The following PRTG variants were observed in gnomAD, a reference collection of about 807,000 sequenced individuals.
PRTG encodes immunoglobulin superfamily, DCC subclass, member 5.
In PRTG, 67 loss-of-function variants were observed where a neutral mutation model predicts 122.5. The observed-to-expected ratio is 0.55, with a 90% CI of 0.45 to 0.67. PRTG has a LOEUF of 0.67. Ranked by LOEUF, PRTG falls within the 30% of genes least tolerant of loss-of-function variation. The probability of loss-of-function intolerance (pLI) is 0.00; values close to 1 mark genes in which losing one functional copy is unlikely to be tolerated. For synonymous variants in PRTG, 554 were observed against 501.1 expected (o/e 1.11, Z -1.41); for missense variants, 1,435 against 1,415.4 (o/e 1.01, Z -0.22).
At chr15:55,626,594 C>CAA (rs35303660) in intron 17 of PRTG, among the ~76,000 whole-genome samples, 1 of 134,642 alleles carries the variant, frequency 7.4e-6, no homozygotes, top group African/African-American at 2.7e-5. Flanking sequence ...ACTAAAAATA[C>CAA]AAAAAAAAAA....
intron 2 of PRTG, among the ~76,000 whole-genome samples, chr15:55,695,985 C>A (rs1325775319): frequency 1.3e-5 from 2 of 151,986 alleles, no homozygotes; most frequent in East Asian, 3.9e-4. Context: ...CAAAACACAA[C>A]ACAGGGAGGC....
chr15:55,618,572 A>G lies in PRTG; in HGVS notation c.*1440T>C, dbSNP rs146605074. On this transcript the variant is annotated 3_prime_UTR_variant, in exon 20 of 20. Transcript: ENST00000389286. Reference sequence around the variant, plus strand: ...TGAGTAAACAATTTGCTGATTTCAAACCTGCAAGAGGATTAACTCACTCCT... The same window carrying G: ...TGAGTAAACAATTTGCTGATTTCAAGCCTGCAAGAGGATTAACTCACTCCT... 27 of 152,318 alleles carry G rather than the reference A, an allele frequency of 1.8e-4. No homozygotes were observed. In the East Asian group the frequency reaches 5.0e-3, roughly 28 times the overall value. 9.4% of individuals were successfully genotyped at this position (152,318 alleles called of 1,614,324 possible).
chr15:55,697,132 G>A (rs2059636294), intron 2 of PRTG, among the ~76,000 whole-genome samples: 1 of 152,168 alleles, frequency 6.6e-6, no homozygotes, highest in South Asian at 2.1e-4. Context: ...GCCAGAAAGA[G>A]GGTAACACAA....
intron 4 of PRTG, among the ~76,000 whole-genome samples, chr15:55,680,954 G>T (rs1446143722): frequency 6.6e-6 from 1 of 151,936 alleles, no homozygotes; most frequent in Non-Finnish European, 1.5e-5. Context: ...AGTCTCTCTG[G>T]ATTTGCCTAT....
At chr15:55,632,595 C>T (rs1174441815) in intron 15 of PRTG, among the ~76,000 whole-genome samples, 35 of 152,186 alleles carry the variant, frequency 2.3e-4, no homozygotes, top group Admixed American at 2.3e-3. Flanking sequence ...CTCCAATCTC[C>T]TTGGCCTTCT....
chr15:55,679,479 G>A, intron 6 of PRTG, 34 bp from the exon 7 acceptor site: 1 of 1,532,794 alleles, frequency 6.5e-7, no homozygotes, highest in Non-Finnish European at 9.0e-7. Flanking sequence ...ATATTTCTGT[G>A]ATCCTAATAG....
chr15:55,743,116 G>C lies in PRTG; in HGVS notation c.-185C>G. 1 of 1,277,578 alleles carries C rather than the reference G, an allele frequency of 7.8e-7. No individual in the cohort carries two copies. The highest frequency in any genetic ancestry group is 9.8e-7 in the Non-Finnish European group (1 of 1,016,838). 79.1% of individuals were successfully genotyped at this position (1,277,578 alleles called of 1,614,324 possible). The stretch of plus-strand genomic sequence containing the variant: ...CTGGTGCTCGGACGGCCGCTCGCGA[G>C]AAGCAAGGGGCCTGAGAGTCCGGCT... On this transcript the variant is annotated 5_prime_UTR_variant, in exon 1 of 20. Coordinates refer to ENST00000389286, the MANE Select transcript of PRTG (RefSeq NM_173814.6).
Position 55,643,870 on chromosome 15 carries a change from T to G in PRTG, c.2042-2662A>C, listed in dbSNP as rs1023210819. ...TTGTCTCCTAATAATAATGATTTTT[T>G]TTTTCTTTTTGGACACTGGGTCTCA... On this transcript the variant is annotated intron_variant, in intron 11 of 19. Coordinates refer to ENST00000389286, the MANE Select transcript of PRTG (RefSeq NM_173814.6). Among the ~76,000 whole-genome samples, 9 of 152,016 alleles carry G rather than the reference T, an allele frequency of 5.9e-5. 1 individual carries two copies. The South Asian group carries it at 1.9e-3, about 32-fold the overall frequency.
intron 11 of PRTG, among the ~76,000 whole-genome samples, chr15:55,667,874 C>A (rs2059447580): frequency 6.6e-6 from 1 of 152,076 alleles, no homozygotes; most frequent in South Asian, 2.1e-4. Context: ...TGGCTTGAGT[C>A]CAGGAGTTCA....
chr15:55,623,248 ATTTT>A (rs986702093), intron 18 of PRTG, among the ~76,000 whole-genome samples: 1 of 151,434 alleles, frequency 6.6e-6, no homozygotes, highest in Non-Finnish European at 1.5e-5. Flanking sequence ...ATCATCTTGG[ATTTT>A]TTTTTGTAAA....
In PRTG at chr15:55,680,560, G is replaced by T; in HGVS notation, c.745C>A (p.His249Asn). ...ATGCATTCCAAAACTACAGTCTGAT[G>T]AAGAGATGTTGTTATGTTCTGTGGA... ...AGPQNITTSL[H>N]QTVVLECMAT... The change falls in exon 5 of 20, where the codon CAT (histidine) becomes AAT (asparagine). Residue 249 changes from histidine (H) to asparagine (N), a missense_variant. By Grantham distance (68) the His-to-Asn change is moderately conservative. Transcript: ENST00000389286. 1.2e-6 allele frequency: 2 copies of T among 1,602,304 alleles called. No individual in the cohort carries two copies. Among genetic ancestry groups the T allele is most frequent in the Non-Finnish European group, 1.7e-6 (2 of 1,173,800 alleles).
intron 12 of PRTG, among the ~76,000 whole-genome samples, chr15:55,640,412 G>A (rs545983045): frequency 1.3e-5 from 2 of 152,252 alleles, no homozygotes; most frequent in African/African-American, 2.4e-5. Context: ...TCTGCTGTGC[G>A]TGACTATATT....
In PRTG at chr15:55,639,633, G is replaced by A. The variant is rs1374192667; in HGVS notation, c.2324+9C>T. 1 of 1,610,662 alleles carries A rather than the reference G, an allele frequency of 6.2e-7. No homozygotes were observed. The highest frequency in any genetic ancestry group is 2.2e-5 in the East Asian group (1 of 44,852). ...GCAAAGAAAATAACCATTAACAGGA[G>A]CTACATACGTTTGAAGGTACAGAAC... On this transcript the variant is annotated intron_variant, in intron 13 of 19. Coordinates refer to ENST00000389286, the MANE Select transcript of PRTG (RefSeq NM_173814.6).
At chr15:55,692,475 GA>G in intron 2 of PRTG, among the ~76,000 whole-genome samples, 1 of 152,236 alleles carries the variant, frequency 6.6e-6, no homozygotes, top group South Asian at 2.1e-4. Flanking sequence ...AAGGTTGGGG[GA>G]TACAATGTTG....
chr15:55,679,552 C>G lies in PRTG; in HGVS notation c.974-107G>C, dbSNP rs985079932. On this transcript the variant is annotated intron_variant, in intron 6 of 19. Coordinates refer to ENST00000389286, the MANE Select transcript of PRTG (RefSeq NM_173814.6). ...AAACAAGCCCCATTCCTGAAGATGC[C>G]TGACATGCTGAGCTCCTGTCTACAT... 5.2e-6 allele frequency: 4 copies of G among 774,344 alleles called. No homozygotes were observed. The African/African-American group carries it at 7.0e-5, about 14-fold the overall frequency. 48.0% of individuals were successfully genotyped at this position (774,344 alleles called of 1,614,324 possible). A position where few individuals can be genotyped will look rare whatever the true frequency, so the allele number is the denominator to read the frequency against.
At chr15:55,657,418 T>G (rs2059386352) in intron 11 of PRTG, among the ~76,000 whole-genome samples, 1 of 151,992 alleles carries the variant, frequency 6.6e-6, no homozygotes, top group African/African-American at 2.4e-5. Flanking sequence ...TAAGAAAAAA[T>G]TTTTTGTTTC....
At chr15:55,634,789 C>T (rs143643081) in intron 15 of PRTG, among the ~76,000 whole-genome samples, 10 of 151,952 alleles carry the variant, frequency 6.6e-5, no homozygotes, top group African/African-American at 2.4e-4. Context: ...TTACAGTGAG[C>T]CAAGATCCAC....
chr15:55,673,602 G>T lies in PRTG; in HGVS notation c.1621C>A (p.Pro541Thr). Residue 541 changes from proline to threonine, a missense_variant, in exon 10 of 20, where the codon CCA becomes ACA. By Grantham distance (38) the Pro-to-Thr change is conservative. Transcript: ENST00000389286. Reference sequence around the variant, plus strand: ...ACTTGGCCCCGCCGATATTTGGCTGGGATTGGCAGCCAGGAGATGAGAATA... The same window carrying T: ...ACTTGGCCCCGCCGATATTTGGCTGTGATTGGCAGCCAGGAGATGAGAATA... ...TDILISWLPI[P>T]AKYRRGQVVL... The T allele has an allele frequency of 6.2e-7, 1 of 1,614,066 alleles. No homozygotes were observed. Among genetic ancestry groups the T allele is most frequent in the Non-Finnish European group, 8.5e-7 (1 of 1,179,958 alleles).
Position 55,665,543 on chromosome 15 carries a change from A to T in PRTG, c.2041+6902T>A, listed in dbSNP as rs975183435. ...TTTTAATCTTTCAGTGGTTAAAAAA[A>T]TTTTTTCTTTTTTTTTTTTTGAGAC... On this transcript the variant is annotated intron_variant, in intron 11 of 19. Transcript: ENST00000389286. 4.1e-3 allele frequency among the ~76,000 whole-genome samples: 598 copies of T among 146,598 alleles called. 2 individuals are homozygous for T. The highest frequency in any genetic ancestry group is 6.1e-3 in the Non-Finnish European group (403 of 66,566).
Sources: allele counts gnomAD v4.1 joint callset (sites outside exome capture counted in the v4.1 genomes callset), GRCh38; gene constraint gnomAD v4.1.1; transcripts MANE v1.5; gene names NCBI Gene and HGNC (gene_info 2026-07-23, HGNC 2026-07-21).